Variants in LOXL4 observed in about 807,000 individuals in gnomAD.
LOXL4 encodes the protein lysyl oxidase like 4.
Under a neutral mutation model 89.1 loss-of-function variants are expected in LOXL4, and 72 were observed. The ratio of observed to expected loss-of-function variants is 0.81; its 90% CI spans 0.67 to 0.98. The LOEUF is 0.98. Ranked by LOEUF, LOXL4 falls within the 50% of genes least tolerant of loss-of-function variation. The pLI is 0.00. For synonymous variants in LOXL4, 355 were observed against 392.1 expected, an observed-to-expected ratio of 0.91 and a Z score of 1.12; for missense variants, 984 against 1,017.5, an observed-to-expected ratio of 0.97 and a Z score of 0.45.
chr10:98,257,790 G>A lies in LOXL4; in HGVS notation c.1120C>T (p.His374Tyr), dbSNP rs1858421601. ...CCCCTGCAGCGCACCTCACTCAGGT[G>A]GATGGGCCCTAGCCCTAGATGGGGA... Reference protein sequence around the residue: ...ARLGQGLGPIHLSEVRCRGYE... With the variant: ...ARLGQGLGPIYLSEVRCRGYE... The change falls in exon 8 of 15, where the codon CAC becomes TAC. Residue 374 changes from histidine (H) to tyrosine (Y), a missense_variant. Coordinates refer to ENST00000260702, the MANE Select transcript of LOXL4 (RefSeq NM_032211.7). The A allele has an allele frequency of 6.2e-7, 1 of 1,613,276 alleles. No homozygotes were observed. Among genetic ancestry groups the A allele is most frequent in the Non-Finnish European group, 8.5e-7 (1 of 1,179,510 alleles).
At chr10:98,253,915 A>G in intron 10 of LOXL4, 119 bp from the exon 11 acceptor site, 1 of 1,298,742 alleles carries the variant, frequency 7.7e-7, no homozygotes, top group Non-Finnish European at 1.1e-6. Flanking sequence ...CCCACAAAAG[A>G]AGGGCAGTTT....
At chr10:98,253,401 T>C in intron 11 of LOXL4, 152 bp downstream of exon 11, 1 of 1,062,780 alleles carries the variant, frequency 9.4e-7, no homozygotes, top group Middle Eastern at 3.0e-4. Flanking sequence ...TGGATGCCGC[T>C]GTCCTCACTG....
intron 11 of LOXL4, among the ~76,000 whole-genome samples, chr10:98,252,927 G>A (rs754385300): frequency 6.6e-6 from 1 of 152,202 alleles, no homozygotes; most frequent in African/African-American, 2.4e-5. Context: ...TATCTCAGGC[G>A]AGACCAAGTC....
At chr10:98,250,365 C>T (rs891631035) in intron 14 of LOXL4, among the ~76,000 whole-genome samples, 2 of 152,226 alleles carry the variant, frequency 1.3e-5, no homozygotes, top group Admixed American at 1.3e-4. Flanking sequence ...CTGACACTTA[C>T]ATTCCCAGTT....
chr10:98,253,950 T>C (rs554230197), intron 10 of LOXL4, among the ~76,000 whole-genome samples, 154 bp from the exon 11 acceptor site: 7 of 152,104 alleles, frequency 4.6e-5, no homozygotes, highest in Admixed American at 6.5e-5. Flanking sequence ...TGGTGAGTTC[T>C]AATAACATTT....
Position 98,251,560 on chromosome 10 carries a change from C to T in LOXL4, c.2088+6G>A. 6.2e-7 allele frequency: 1 copy of T among 1,613,968 alleles called. No homozygotes were observed. The highest frequency in any genetic ancestry group is 8.5e-7 in the Non-Finnish European group (1 of 1,179,918). On this transcript the variant is annotated splice_donor_region_variant and intron_variant, in intron 13 of 14. Coordinates refer to ENST00000260702, the MANE Select transcript of LOXL4 (RefSeq NM_032211.7). ...GGCTCTGTGGGGAATCCCCCAGCCG[C>T]CTTACCTGGAAGATATAATTCCCGG...
rs904004425 is a variant in LOXL4 at position 98,268,138 on chromosome 10, G to A, written c.-39C>T. The A allele has an allele frequency of 6.6e-6, 1 of 152,348 alleles. No homozygotes were observed. The highest frequency in any genetic ancestry group is 2.1e-4 in the South Asian group (1 of 4,826). The allele number at this position is 152,348 out of a possible 1,614,324, so 9.4% of individuals were successfully genotyped here. ...CGGCCAGGCGGGGGCTCACCAGATG[G>A]AGCGCGGACAGTCCGGGGCTGGGCG... On this transcript the variant is annotated 5_prime_UTR_variant, in exon 1 of 15. Coordinates refer to ENST00000260702, the MANE Select transcript of LOXL4 (RefSeq NM_032211.7).
intron 3 of LOXL4, 131 bp downstream of exon 3, chr10:98,261,904 C>T (rs552631388): frequency 1.2e-4 from 116 of 951,652 alleles, no homozygotes; most frequent in South Asian, 2.1e-4. Context: ...CAGGAGTCGG[C>T]GGCCTGGGGA....
chr10:98,262,963 G>A lies in LOXL4; in HGVS notation c.57C>T (p.Pro19=), dbSNP rs142239686. The A allele has an allele frequency of 2.5e-4, 401 of 1,613,758 alleles. 1 individual carries two copies. In the African/African-American group the frequency reaches 4.6e-3, roughly 19 times the overall value. Residue 19 remains proline, a synonymous_variant, in exon 2 of 15, where the codon CCC becomes CCT. Coordinates refer to ENST00000260702, the MANE Select transcript of LOXL4 (RefSeq NM_032211.7). ...LFLFLLLLGQ[P]PPSRPQSLGT... ...CCAGTGACTGTGGCCTGCTGGGAGGGGGCTGGCCTAGCAGCAGCAGGAACA... is the reference window on the plus strand; with the variant it reads ...CCAGTGACTGTGGCCTGCTGGGAGGAGGCTGGCCTAGCAGCAGCAGGAACA...
At chr10:98,265,150 G>A (rs1407970686) in intron 1 of LOXL4, among the ~76,000 whole-genome samples, 1 of 152,188 alleles carries the variant, frequency 6.6e-6, no homozygotes, top group East Asian at 1.9e-4. Context: ...GCAGCACAGT[G>A]CTTGAGAGCA....
Position 98,253,703 on chromosome 10 carries a change from T to C in LOXL4, c.1685A>G (p.Glu562Gly). Residue 562 changes from glutamate to glycine, a missense_variant, in exon 11 of 15, where the codon GAG becomes GGG. Transcript: ENST00000260702. The part of the protein sequence containing the change: ...PLSQLYCAHE[E>G]NCLSKSADHM... ...ATCCGCAGACTTGGAGAGGCAGTTC[T>C]CCTCGTGGGCACAATACAGCTGGCT... The C allele has an allele frequency of 1.2e-6, 2 of 1,614,054 alleles. No homozygotes were observed. The highest frequency in any genetic ancestry group is 1.7e-5 in the Admixed American group (1 of 60,028).
intron 10 of LOXL4, 116 bp from the exon 11 acceptor site, chr10:98,253,912 A>C (rs1463634521): frequency 3.8e-6 from 5 of 1,301,946 alleles, no homozygotes; most frequent in East Asian, 2.5e-5. Flanking sequence ...GACCCCACAA[A>C]AGAAGGGCAG....
chr10:98,267,855 C>T (rs1050473954), intron 1 of LOXL4, among the ~76,000 whole-genome samples: 1 of 152,132 alleles, frequency 6.6e-6, no homozygotes, highest in South Asian at 2.1e-4. Flanking sequence ...TTACACACGG[C>T]GTGTACACAA....
chr10:98,259,900 C>T (rs1215721648), intron 4 of LOXL4, among the ~76,000 whole-genome samples: 1 of 152,134 alleles, frequency 6.6e-6, no homozygotes, highest in Non-Finnish European at 1.5e-5. Flanking sequence ...TCCCAGGATC[C>T]CCAAGGATGG....
At chr10:98,254,489 G>A (rs1254759577) in intron 10 of LOXL4, among the ~76,000 whole-genome samples, 1 of 152,242 alleles carries the variant, frequency 6.6e-6, no homozygotes, top group Non-Finnish European at 1.5e-5. Context: ...ATTGGAGAGA[G>A]CCAGGAAGTG....
At position 98,251,113 on chromosome 10, in the gene LOXL4, G is replaced by A. The variant is rs373991076; in HGVS notation, c.2152C>T (p.Arg718Cys). The change falls in exon 14 of 15, where the codon CGC (arginine) becomes TGC (cysteine). Residue 718 changes from arginine (R) to cysteine (C), a missense_variant. Physicochemically the swap from Arg to Cys is radical, Grantham distance 180. Transcript: ENST00000260702. Reference protein sequence around the residue: ...SDFSNNMLQCRCKYDGHRVWL... With the variant: ...SDFSNNMLQCCCKYDGHRVWL... ...ACCCGGTGCCCATCATACTTGCAGC[G>A]GCACTGCAGCATATTGTTGGAGAAA... 5.0e-6 allele frequency: 8 copies of A among 1,614,002 alleles called. No individual in the cohort carries two copies. Among genetic ancestry groups the A allele is most frequent in the African/African-American group, 4.0e-5 (3 of 74,926 alleles).
In LOXL4 at chr10:98,262,156, C is replaced by G. The variant is rs1858560790; in HGVS notation, c.335G>C (p.Cys112Ser). The change falls in exon 3 of 15, where the codon TGC becomes TCC. Residue 112 changes from cysteine (C) to serine (S), a missense_variant. By Grantham distance (112) the Cys-to-Ser change is moderately radical. Coordinates refer to ENST00000260702, the MANE Select transcript of LOXL4 (RefSeq NM_032211.7). ...CVGTESSLDQ[C>S]GSNGWGVSDC... ...ACTGACTCCCCAGCCATTAGACCCG[C>G]ACTGGTCCAAGGAGCTCTCTGTGCC... 1 of 1,613,676 alleles carries G rather than the reference C, an allele frequency of 6.2e-7. No individual in the cohort carries two copies. The highest frequency in any genetic ancestry group is 1.1e-5 in the South Asian group (1 of 91,082).
At chr10:98,260,846 C>T in intron 4 of LOXL4, 76 bp downstream of exon 4, 2 of 1,437,118 alleles carry the variant, frequency 1.4e-6, no homozygotes, top group South Asian at 2.5e-5. Flanking sequence ...ACATCACATG[C>T]ACGCACATGA....
chr10:98,262,554 G>A (rs1357947250), intron 2 of LOXL4, among the ~76,000 whole-genome samples, 189 bp downstream of exon 2: 3 of 152,202 alleles, frequency 2.0e-5, no homozygotes, highest in African/African-American at 7.2e-5. Flanking sequence ...GGTGACGGCG[G>A]TGGCCTTATT....
Sources: allele counts gnomAD v4.1 joint callset (sites outside exome capture counted in the v4.1 genomes callset), GRCh38; gene constraint gnomAD v4.1.1; transcripts MANE v1.5; gene names NCBI Gene and HGNC (gene_info 2026-07-23, HGNC 2026-07-21).